EFCAB6: variants seen among roughly 807,000 people sequenced by gnomAD.
EFCAB6 encodes the protein EF-hand calcium-binding domain-containing protein 6.
Under a neutral mutation model 169.8 loss-of-function variants are expected in EFCAB6, and 156 were observed. The ratio of observed to expected loss-of-function variants is 0.92; its 90% confidence interval spans 0.81 to 1.05. The LOEUF (loss-of-function observed/expected upper bound fraction) is 1.05, where lower values mean the gene tolerates loss of function less well. Ranked by LOEUF, EFCAB6 falls within the 50% of genes least tolerant of loss-of-function variation. The pLI, the probability that EFCAB6 is intolerant of heterozygous loss-of-function variation, is 0.00. For synonymous variants in EFCAB6, 698 were observed against 676.4 expected (o/e 1.03, Z -0.50); for missense variants, 1,800 against 1,829.1 (o/e 0.98, Z 0.29).
intron 2 of EFCAB6, among the ~76,000 whole-genome samples, chr22:43,805,451 C>T (rs1465202054): frequency 6.6e-6 from 1 of 152,094 alleles, no homozygotes; most frequent in Non-Finnish European, 1.5e-5. Context: ...AGCCAAGCAC[C>T]AAAAAGAAGA....
intron 6 of EFCAB6, among the ~76,000 whole-genome samples, chr22:43,737,013 A>T (rs1273895919): frequency 6.7e-6 from 1 of 148,218 alleles, no homozygotes; most frequent in Non-Finnish European, 1.5e-5. Flanking sequence ...TTCCTTCCTA[A>T]CCCTCCCATC....
intron 3 of EFCAB6, among the ~76,000 whole-genome samples, chr22:43,780,359 T>C (rs2061778104): frequency 6.6e-6 from 1 of 151,674 alleles, no homozygotes; most frequent in East Asian, 1.9e-4. Context: ...TGGTGGTGCA[T>C]GCCTGTGATT....
intron 23 of EFCAB6, among the ~76,000 whole-genome samples, chr22:43,591,215 C>T (rs1306291782): frequency 3.3e-5 from 5 of 149,774 alleles, no homozygotes; most frequent in Non-Finnish European, 7.4e-5. Flanking sequence ...CCCAACACTT[C>T]GGGAGGCTGC....
intron 20 of EFCAB6, among the ~76,000 whole-genome samples, chr22:43,618,720 G>A (rs1218720395): frequency 6.6e-6 from 1 of 152,168 alleles, no homozygotes; most frequent in Non-Finnish European, 1.5e-5. Flanking sequence ...GCCTCTTCGG[G>A]ACAGAGTGGC....
At chr22:43,669,471 G>C (rs1603102068) in intron 15 of EFCAB6, among the ~76,000 whole-genome samples, 1 of 152,292 alleles carries the variant, frequency 6.6e-6, no homozygotes, top group East Asian at 1.9e-4. Context: ...AGACAAAAAA[G>C]AGAATATCTT....
chr22:43,542,899 G>T (rs1226297339), intron 27 of EFCAB6, among the ~76,000 whole-genome samples: 6 of 152,224 alleles, frequency 3.9e-5, no homozygotes, highest in Admixed American at 6.5e-5. Context: ...AGCGTCAAAA[G>T]CAAGTGAGTT....
rs746670106 is a variant in EFCAB6, at chr22:43,540,398, AAC to A, written c.3649-43_3649-42del. 4.3e-6 allele frequency: 7 copies of A among 1,611,760 alleles called. No homozygotes were observed. The African/African-American group carries it at 9.3e-5, about 22-fold the overall frequency. ...AAGTCATTTCCCAGGTGTCAGTGCA[AAC>A]ACAGGCAGCGTCGCACCTGTGCCAG... is the stretch of plus-strand genomic sequence containing the variant. On this transcript the variant is annotated intron_variant, in intron 27 of 31. Coordinates refer to ENST00000262726, the MANE Select transcript of EFCAB6 (RefSeq NM_022785.4).
At chr22:43,752,051 G>C (rs115582308) in intron 6 of EFCAB6, among the ~76,000 whole-genome samples, 17,742 of 151,492 alleles carry the variant, frequency 0.12, 1,105 homozygotes, top group Middle Eastern at 0.18. Context: ...CCTTATATAG[G>C]TAGCTGAAGC....
chr22:43,633,693 G>A (rs898414426), intron 18 of EFCAB6, among the ~76,000 whole-genome samples: 2 of 152,168 alleles, frequency 1.3e-5, no homozygotes, highest in African/African-American at 4.8e-5. Context: ...GTGGTTCTCT[G>A]CACCTGTTGC....
intron 26 of EFCAB6, among the ~76,000 whole-genome samples, chr22:43,570,735 G>A (rs1442212643): frequency 1.3e-5 from 2 of 151,930 alleles, no homozygotes; most frequent in African/African-American, 2.4e-5. Context: ...GGGATGTGAT[G>A]GCTTCCAGGC....
At chr22:43,627,896 A>G (rs1315831211) in intron 19 of EFCAB6, among the ~76,000 whole-genome samples, 1 of 152,124 alleles carries the variant, frequency 6.6e-6, no homozygotes, top group East Asian at 1.9e-4. Context: ...ATTATTCAGT[A>G]CCTAATATGT....
chr22:43,623,060 A>G (rs1183546486), intron 20 of EFCAB6, among the ~76,000 whole-genome samples: 1 of 152,248 alleles, frequency 6.6e-6, no homozygotes, highest in Admixed American at 6.5e-5. Context: ...AGGCATAGAG[A>G]CAGAACAGCA....
intron 13 of EFCAB6, among the ~76,000 whole-genome samples, chr22:43,677,784 A>G (rs142122405): frequency 6.6e-6 from 1 of 152,332 alleles, no homozygotes; most frequent in East Asian, 1.9e-4. Context: ...ATGGGTTTTC[A>G]GAAACGTCAA....
At chr22:43,550,819 T>C (rs2048337458) in intron 27 of EFCAB6, among the ~76,000 whole-genome samples, 2 of 152,154 alleles carry the variant, frequency 1.3e-5, no homozygotes, top group South Asian at 2.1e-4. Flanking sequence ...TCTTAAGCAA[T>C]ACCCAAGCAG....
intron 10 of EFCAB6, among the ~76,000 whole-genome samples, chr22:43,703,650 A>G (rs1412628432): frequency 6.6e-6 from 1 of 152,158 alleles, no homozygotes; most frequent in African/African-American, 2.4e-5. Flanking sequence ...TTTGACAAAG[A>G]AATAGAAACA....
chr22:43,592,744 T>C (rs1381604083), intron 23 of EFCAB6, among the ~76,000 whole-genome samples: 1 of 152,150 alleles, frequency 6.6e-6, no homozygotes, highest in Non-Finnish European at 1.5e-5. Context: ...ACACACGGCC[T>C]CCCCACTCTG....
intron 23 of EFCAB6, among the ~76,000 whole-genome samples, chr22:43,593,771 GC>G (rs1348690958): frequency 6.6e-6 from 1 of 152,148 alleles, no homozygotes; most frequent in Non-Finnish European, 1.5e-5. Context: ...AGTGAATCTT[GC>G]CTTTTGAAAT....
intron 10 of EFCAB6, among the ~76,000 whole-genome samples, chr22:43,697,350 G>A (rs756728009): frequency 6.6e-6 from 1 of 152,096 alleles, no homozygotes; most frequent in South Asian, 2.1e-4. Context: ...AATATTCTAT[G>A]AGAAAACAGA....
At chr22:43,698,321 A>G (rs1480244412) in intron 10 of EFCAB6, among the ~76,000 whole-genome samples, 1 of 152,176 alleles carries the variant, frequency 6.6e-6, no homozygotes, top group African/African-American at 2.4e-5. Context: ...AGGGGGCAAG[A>G]GTAAAATTCA....
Sources: gnomAD v4.1 joint callset for allele counts (sites outside exome capture counted in the v4.1 genomes callset) on GRCh38, gnomAD v4.1.1 for gene constraint, MANE v1.5 for transcripts, NCBI Gene and HGNC (gene_info 2026-07-23, HGNC 2026-07-21) for gene names.